The following MYO10 variants were observed in gnomAD, a reference collection of about 807,000 sequenced individuals.
The protein encoded by MYO10 is unconventional myosin-X.
In MYO10, 133 loss-of-function variants were observed where a neutral mutation model predicts 257.3. The observed-to-expected ratio is 0.52, with a 90% confidence interval of 0.45 to 0.60. The LOEUF is 0.60. Among genes scored for constraint, MYO10 ranks in the 20% least tolerant of loss-of-function variants. MYO10 has a pLI of 0.00. For missense variants in MYO10, 2,399 were observed against 2,635.7 expected (o/e 0.91, Z 1.97); for synonymous variants, 1,104 against 1,028.6 (o/e 1.07, Z -1.40).
At chr5:16,916,869 A>G (rs140189995) in intron 1 of MYO10, among the ~76,000 whole-genome samples, 165 of 152,332 alleles carry the variant, frequency 1.1e-3, no homozygotes, top group African/African-American at 3.8e-3. Context: ...GGTAACAAAA[A>G]TGTTGGTAAT....
chr5:16,794,384 A>T (rs56824591), intron 4 of MYO10, among the ~76,000 whole-genome samples: 6,354 of 33,346 alleles, frequency 0.19, 231 homozygotes, highest in East Asian at 0.49. Flanking sequence ...ATGTTGCTTT[A>T]AAAAAAAAAA....
At chr5:16,830,014 C>T (rs377509006) in intron 2 of MYO10, among the ~76,000 whole-genome samples, 6 of 152,046 alleles carry the variant, frequency 3.9e-5, no homozygotes, top group Admixed American at 2.0e-4. Flanking sequence ...CCGAGGCAGG[C>T]GGACCACGTG....
chr5:16,768,311 G>C (rs1019587754), intron 10 of MYO10, among the ~76,000 whole-genome samples: 1 of 152,190 alleles, frequency 6.6e-6, no homozygotes, highest in African/African-American at 2.4e-5. Context: ...CAGGTGAGAA[G>C]TCATGAGTAT....
At chr5:16,887,773 G>A (rs1482280119) in intron 1 of MYO10, among the ~76,000 whole-genome samples, 1 of 152,106 alleles carries the variant, frequency 6.6e-6, no homozygotes, top group African/African-American at 2.4e-5. Flanking sequence ...TTACAGACGT[G>A]AGCCACCATG....
intron 19 of MYO10, among the ~76,000 whole-genome samples, chr5:16,727,221 C>CT (rs1310119170): frequency 6.6e-6 from 1 of 152,074 alleles, no homozygotes; most frequent in East Asian, 1.9e-4. Flanking sequence ...CTAAATGTGG[C>CT]TACTAGAAAA....
intron 19 of MYO10, among the ~76,000 whole-genome samples, chr5:16,720,410 C>T (rs967160230): frequency 6.6e-6 from 1 of 151,990 alleles, no homozygotes; most frequent in African/African-American, 2.4e-5. Context: ...TAGAGTTCTA[C>T]TTTTCCACTA....
intron 4 of MYO10, 51 bp from the exon 5 acceptor site, chr5:16,783,520 A>C (rs570386332): frequency 8.3e-5 from 130 of 1,560,476 alleles, no homozygotes; most frequent in African/African-American, 8.2e-4. Flanking sequence ...TTTTTAAAAA[A>C]AAATCAGCTT....
intron 19 of MYO10, among the ~76,000 whole-genome samples, chr5:16,718,789 A>G (rs913918941): frequency 2.0e-5 from 3 of 151,586 alleles, no homozygotes; most frequent in South Asian, 2.1e-4. Context: ...GTTTGTGAGT[A>G]CACCAATCAA....
chr5:16,804,341 C>G (rs189558019), intron 3 of MYO10, among the ~76,000 whole-genome samples: 131 of 152,320 alleles, frequency 8.6e-4, no homozygotes, highest in African/African-American at 2.3e-3. Flanking sequence ...GTCTTTACCC[C>G]CTTAATCCAA....
chr5:16,702,015 G>C (rs1427221576), intron 24 of MYO10, among the ~76,000 whole-genome samples, 177 bp from the exon 25 acceptor site: 1 of 152,210 alleles, frequency 6.6e-6, no homozygotes, highest in Non-Finnish European at 1.5e-5. Flanking sequence ...TGGAGATACA[G>C]CTTTTAAAGG....
chr5:16,702,901 A>G, intron 23 of MYO10, 24 bp downstream of exon 23: 1 of 1,539,498 alleles, frequency 6.5e-7, no homozygotes, highest in South Asian at 1.2e-5. Context: ...CATTTGTTTC[A>G]TCCCAGCAAG....
At position 16,663,157 on chromosome 5, in the gene MYO10, A is replaced by G. The variant is rs1237033727; in HGVS notation, c.*3535T>C. 6.6e-6 allele frequency: 1 copy of G among 152,142 alleles called. No homozygotes were observed. Among genetic ancestry groups the G allele is most frequent in the African/African-American group, 2.4e-5 (1 of 41,418 alleles). 9.4% of individuals were successfully genotyped at this position (152,142 alleles called of 1,614,324 possible). ...AAGTAAGCTACAACAGTTTGTTTCCATCTATTAAAAATGAGGATGGGGATA... is the reference window on the plus strand; with the variant it reads ...AAGTAAGCTACAACAGTTTGTTTCCGTCTATTAAAAATGAGGATGGGGATA... On this transcript the variant is annotated 3_prime_UTR_variant, in exon 41 of 41. Coordinates refer to ENST00000513610, the MANE Select transcript of MYO10 (RefSeq NM_012334.3).
At chr5:16,887,518 T>C (rs919368397) in intron 1 of MYO10, among the ~76,000 whole-genome samples, 1 of 152,164 alleles carries the variant, frequency 6.6e-6, no homozygotes, top group Non-Finnish European at 1.5e-5. Context: ...TTAGATGGAG[T>C]CTAGCTCCGC....
chr5:16,878,215 G>A (rs1435830233), intron 1 of MYO10, among the ~76,000 whole-genome samples: 2 of 152,054 alleles, frequency 1.3e-5, no homozygotes, highest in Non-Finnish European at 1.5e-5. Flanking sequence ...GTCAAAGTCC[G>A]GTACACTTGC....
chr5:16,723,753 A>G (rs918675083), intron 19 of MYO10, among the ~76,000 whole-genome samples: 2 of 152,250 alleles, frequency 1.3e-5, no homozygotes, highest in Admixed American at 1.3e-4. Flanking sequence ...AAACTACGGT[A>G]TATCCATACA....
At chr5:16,754,564 T>TAA (rs200037446) in intron 19 of MYO10, among the ~76,000 whole-genome samples, 3 of 132,572 alleles carry the variant, frequency 2.3e-5, no homozygotes, top group Admixed American at 7.6e-5. Flanking sequence ...AACCAAACGC[T>TAA]AAAAAAAAAA....
intron 1 of MYO10, among the ~76,000 whole-genome samples, chr5:16,888,595 C>A (rs1744958203): frequency 6.7e-6 from 1 of 149,568 alleles, no homozygotes; most frequent in Admixed American, 6.7e-5. Flanking sequence ...GACTCCGTCT[C>A]AAAAGGAAAA....
intron 4 of MYO10, among the ~76,000 whole-genome samples, chr5:16,790,037 C>T (rs1233688600): frequency 6.6e-6 from 1 of 151,868 alleles, no homozygotes; most frequent in South Asian, 2.1e-4. Context: ...AAGAGCACGC[C>T]CCCATGCCTT....
At chr5:16,841,609 A>G (rs958061714) in intron 2 of MYO10, among the ~76,000 whole-genome samples, 1 of 152,170 alleles carries the variant, frequency 6.6e-6, no homozygotes, top group African/African-American at 2.4e-5. Context: ...AGAGAGAAGG[A>G]TGGTTAGGTT....
Sources: gnomAD v4.1 joint callset for allele counts (sites outside exome capture counted in the v4.1 genomes callset) on GRCh38, gnomAD v4.1.1 for gene constraint, MANE v1.5 for transcripts, NCBI Gene and HGNC (gene_info 2026-07-23, HGNC 2026-07-21) for gene names.